FRMD4A: variants seen among roughly 807,000 people sequenced by gnomAD.
The protein encoded by FRMD4A is FERM domain-containing protein 4A.
Under a neutral mutation model 129.1 loss-of-function variants are expected in FRMD4A, and 29 were observed. That is an observed-to-expected ratio of 0.22 (90% confidence interval 0.17 to 0.31). The LOEUF (loss-of-function observed/expected upper bound fraction) is 0.31. FRMD4A is among the 10% of genes least tolerant of loss of function. The pLI, the probability that FRMD4A is intolerant of heterozygous loss-of-function variation, is 1.00. For synonymous variants in FRMD4A, 634 were observed against 571.6 expected (o/e 1.11, Z -1.56); for missense variants, 1,272 against 1,375.8 (o/e 0.92, Z 1.19).
intron 2 of FRMD4A, among the ~76,000 whole-genome samples, chr10:13,896,659 CAT>C (rs1474307551): frequency 1.3e-5 from 2 of 151,482 alleles, no homozygotes; most frequent in African/African-American, 4.9e-5. Flanking sequence ...AAGTTCTGCA[CAT>C]GTGTCCCAGA....
chr10:14,141,703 A>AT (rs2131842689), intron 2 of FRMD4A, among the ~76,000 whole-genome samples: 1 of 152,146 alleles, frequency 6.6e-6, no homozygotes, highest in African/African-American at 2.4e-5. Context: ...TTGGGGTGAA[A>AT]TTAACTGCAT....
chr10:14,023,336 G>GAA (rs112283737), intron 2 of FRMD4A, among the ~76,000 whole-genome samples: 1 of 146,468 alleles, frequency 6.8e-6, no homozygotes, highest in Non-Finnish European at 1.5e-5. Flanking sequence ...AATTAATAAA[G>GAA]AAAAAAAAAA....
At chr10:14,012,078 C>A (rs1455239603) in intron 2 of FRMD4A, among the ~76,000 whole-genome samples, 1 of 150,972 alleles carries the variant, frequency 6.6e-6, no homozygotes, top group African/African-American at 2.4e-5. Flanking sequence ...ATAGAAAGAG[C>A]AGGTTGTTGT....
intron 2 of FRMD4A, among the ~76,000 whole-genome samples, chr10:14,218,306 T>C (rs1271299011): frequency 6.6e-6 from 1 of 152,208 alleles, no homozygotes; most frequent in East Asian, 1.9e-4. Context: ...CTGAGGAATT[T>C]GACTAACTTC....
At chr10:13,774,872 G>A (rs1001184969) in intron 6 of FRMD4A, among the ~76,000 whole-genome samples, 6 of 151,386 alleles carry the variant, frequency 4.0e-5, no homozygotes, top group Admixed American at 6.6e-5. Flanking sequence ...AGTGATAAGA[G>A]AGGATATTAT....
Position 14,175,853 on chromosome 10 carries a change from C to T in FRMD4A, c.45+154205G>A, listed in dbSNP as rs536614061. 2.5e-4 allele frequency among the ~76,000 whole-genome samples: 38 copies of T among 152,256 alleles called. 1 individual carries two copies. Among genetic ancestry groups the T allele is most frequent in the African/African-American group, 7.5e-4 (31 of 41,562 alleles). ...TTTTCTATTCTTAACTCTTTCTCTG[C>T]GTCACCTTAGTTGCAGGCTGCAACC... On this transcript the variant is annotated intron_variant, in intron 2 of 24. Coordinates refer to ENST00000357447, the MANE Select transcript of FRMD4A (RefSeq NM_018027.5).
intron 2 of FRMD4A, among the ~76,000 whole-genome samples, chr10:14,146,416 C>CAACAA (rs1840076967): frequency 6.6e-6 from 1 of 152,084 alleles, no homozygotes; most frequent in Non-Finnish European, 1.5e-5. Context: ...TAATTCAACA[C>CAACAA]AACACAACAC....
intron 2 of FRMD4A, among the ~76,000 whole-genome samples, chr10:14,147,173 G>A (rs1004511642): frequency 3.3e-5 from 5 of 152,150 alleles, no homozygotes; most frequent in African/African-American, 1.2e-4. Flanking sequence ...ATGCCAACCT[G>A]CAGTAGAAGG....
At chr10:14,330,484 C>G (rs1372745024) in intron 1 of FRMD4A, 113 bp downstream of exon 1, 2 of 408,780 alleles carry the variant, frequency 4.9e-6, no homozygotes, top group Admixed American at 4.1e-5. Context: ...CTTTAACTGA[C>G]AATTAAAATA....
At chr10:13,878,227 A>G (rs1207908527) in intron 2 of FRMD4A, among the ~76,000 whole-genome samples, 1 of 150,818 alleles carries the variant, frequency 6.6e-6, no homozygotes. Flanking sequence ...TGTAGCAAAA[A>G]AAAAAAAAAA....
At chr10:14,064,868 G>A (rs540278325) in intron 2 of FRMD4A, among the ~76,000 whole-genome samples, 26 of 151,980 alleles carry the variant, frequency 1.7e-4, no homozygotes, top group Non-Finnish European at 2.6e-4. Context: ...GTGAGCCACC[G>A]CGCCCAGCCC....
At chr10:14,188,608 T>A (rs1842221405) in intron 2 of FRMD4A, among the ~76,000 whole-genome samples, 1 of 152,214 alleles carries the variant, frequency 6.6e-6, no homozygotes, top group South Asian at 2.1e-4. Flanking sequence ...ACATTAGCTT[T>A]CTTCAAAGTC....
intron 2 of FRMD4A, among the ~76,000 whole-genome samples, chr10:14,230,313 T>C (rs1224355259): frequency 2.6e-5 from 4 of 152,224 alleles, no homozygotes; most frequent in African/African-American, 7.2e-5. Flanking sequence ...ATCTGGTTCC[T>C]GTAGACCTGG....
chr10:14,058,185 C>T (rs1260482987), intron 2 of FRMD4A, among the ~76,000 whole-genome samples: 3 of 152,126 alleles, frequency 2.0e-5, no homozygotes, highest in East Asian at 3.9e-4. Context: ...GCTTCCCAAA[C>T]CCATAGGGAC....
chr10:14,191,509 T>C (rs1842315794), intron 2 of FRMD4A, among the ~76,000 whole-genome samples: 1 of 152,090 alleles, frequency 6.6e-6, no homozygotes, highest in Admixed American at 6.6e-5. Context: ...AATTGAGAAA[T>C]ACAATCGACC....
At chr10:13,858,708 G>A in intron 3 of FRMD4A, 139 bp downstream of exon 3, 1 of 690,282 alleles carries the variant, frequency 1.4e-6, no homozygotes, top group African/African-American at 1.8e-5. Flanking sequence ...CACCCTGGTG[G>A]GTCCTAGTCA....
chr10:14,084,593 T>C (rs1326721257), intron 2 of FRMD4A, among the ~76,000 whole-genome samples: 1 of 152,236 alleles, frequency 6.6e-6, no homozygotes, highest in East Asian at 1.9e-4. Context: ...CCCAAGCAAC[T>C]TGCTCATAAG....
Position 13,984,686 on chromosome 10 carries a change from G to A in FRMD4A, c.46-125774C>T, listed in dbSNP as rs533434135. ...AGCATAAGGTGCTCAGGGTTCATCC[G>A]TGGTGTAGCATGTGTCAGAATTCGC... On this transcript the variant is annotated intron_variant, in intron 2 of 24. Transcript: ENST00000357447. Among the ~76,000 whole-genome samples the A allele has an allele frequency of 5.9e-5, 9 of 152,362 alleles. No homozygotes were observed. The East Asian group carries it at 7.7e-4, about 13-fold the overall frequency.
At chr10:14,261,412 A>G (rs1844795892) in intron 2 of FRMD4A, among the ~76,000 whole-genome samples, 1 of 152,182 alleles carries the variant, frequency 6.6e-6, no homozygotes, top group African/African-American at 2.4e-5. Flanking sequence ...GCTGTTGTCT[A>G]CTTGGGTATT....
Sources: allele counts gnomAD v4.1 joint callset (sites outside exome capture counted in the v4.1 genomes callset), GRCh38; gene constraint gnomAD v4.1.1; transcripts MANE v1.5; gene names NCBI Gene and HGNC (gene_info 2026-07-23, HGNC 2026-07-21).